The following ABCC2 variants were observed in gnomAD, a reference collection of about 807,000 sequenced individuals.
ABCC2 encodes ATP binding cassette subfamily C member 2, also known as ATP-binding cassette sub-family C member 2.
ABCC2 carries 157 observed loss-of-function variants against 173.4 expected under a neutral mutation model. The ratio of observed to expected loss-of-function variants is 0.91; its 90% CI spans 0.80 to 1.03. ABCC2 has a LOEUF of 1.03. Among genes scored for constraint, ABCC2 ranks in the 50% least tolerant of loss-of-function variants. ABCC2 has a pLI of 0.00. For synonymous variants in ABCC2, 657 were observed against 693.5 expected (o/e 0.95, Z 0.83); for missense variants, 1,822 against 1,852.3 (o/e 0.98, Z 0.30).
chr10:99,814,656 C>CACATATACACACAT lies in ABCC2; in HGVS notation c.2094+1513_2094+1514insCATATACACACATA, dbSNP rs2038354589. Among the ~76,000 whole-genome samples, 12 of 82,200 alleles carry CACATATACACACAT rather than the reference C, an allele frequency of 1.5e-4. 1 individual carries two copies. Among genetic ancestry groups the CACATATACACACAT allele is most frequent in the African/African-American group, 8.5e-4 (11 of 12,994 alleles). The allele number at this position is 82,200 out of a possible 152,430, so 53.9% of individuals were successfully genotyped here. ...ATGTGTATATACACATATACACACACATATGTGTATATACACATATACACA... is the reference window on the plus strand; with the variant it reads ...ATGTGTATATACACATATACACACACACATATACACACATATATGTGTATATACACATATACACA... On this transcript the variant is annotated intron_variant, in intron 16 of 31. Coordinates refer to ENST00000647814, the MANE Select transcript of ABCC2 (RefSeq NM_000392.5).
chr10:99,821,348 C>G lies in ABCC2; in HGVS notation c.2620+2079C>G, dbSNP rs202117820. ...CTTGTCTCAACTGCAAGAGGCATGC[C>G]TTCCTCTCATACTAATCCTCCTCAG... On this transcript the variant is annotated intron_variant, in intron 19 of 31. Coordinates refer to ENST00000647814, the MANE Select transcript of ABCC2 (RefSeq NM_000392.5). Among the ~76,000 whole-genome samples, 3 of 152,070 alleles carry G rather than the reference C, an allele frequency of 2.0e-5. No homozygotes were observed. The East Asian group carries it at 5.8e-4, about 29-fold the overall frequency.
intron 29 of ABCC2, 41 bp downstream of exon 29, chr10:99,845,823 A>G (rs1241790810): frequency 6.3e-7 from 1 of 1,576,310 alleles, no homozygotes; most frequent in Non-Finnish European, 8.6e-7. Flanking sequence ...CGTGGGGAGC[A>G]GCTTGTTTTA....
intron 25 of ABCC2, among the ~76,000 whole-genome samples, chr10:99,839,598 T>G: frequency 2.4e-5 from 1 of 41,416 alleles, no homozygotes; most frequent in Non-Finnish European, 4.8e-5. Flanking sequence ...ACGGGGTGGC[T>G]GCCGGGCGGA....
In ABCC2 at chr10:99,814,672, CATATACACACACGTGTATATACACAT is replaced by C. The variant is rs2038357727; in HGVS notation, c.2094+1533_2094+1558del. Among the ~76,000 whole-genome samples the C allele has an allele frequency of 1.6e-5, 2 of 124,216 alleles. 1 individual carries two copies. Among genetic ancestry groups the C allele is most frequent in the Non-Finnish European group, 3.3e-5 (2 of 61,164 alleles). 81.5% of individuals were successfully genotyped at this position (124,216 alleles called of 152,430 possible). On this transcript the variant is annotated intron_variant, in intron 16 of 31. Transcript: ENST00000647814. ...ATACACACACATATGTGTATATACA[CATATACACACACGTGTATATACACAT>C]ATATGTGTATACATGTATATACACA...
At chr10:99,830,574 G>A in intron 20 of ABCC2, 141 bp downstream of exon 20, 1 of 1,560,570 alleles carries the variant, frequency 6.4e-7, no homozygotes, top group Non-Finnish European at 8.8e-7. Flanking sequence ...TTGTGGGGAT[G>A]GGGAAAGATC....
intron 2 of ABCC2, 24 bp from the exon 3 acceptor site, chr10:99,792,210 A>T (rs1021018714): frequency 1.2e-6 from 2 of 1,613,656 alleles, no homozygotes; most frequent in Non-Finnish European, 1.7e-6. Context: ...TATCCTCTTA[A>T]CAGTGGTCTT....
chr10:99,831,857 C>G (rs771900701), intron 22 of ABCC2, 27 bp downstream of exon 22: 1 of 1,613,010 alleles, frequency 6.2e-7, no homozygotes, highest in South Asian at 1.1e-5. Context: ...TGACATCTTA[C>G]AGAATCTGTC....
chr10:99,848,109 G>C (rs1351579204), intron 30 of ABCC2, among the ~76,000 whole-genome samples: 1 of 152,158 alleles, frequency 6.6e-6, no homozygotes, highest in East Asian at 1.9e-4. Context: ...ACTGGACATA[G>C]GGAGTTTTAA....
At chr10:99,782,900 A>C in intron 1 of ABCC2, 23 bp downstream of exon 1, 1 of 1,612,918 alleles carries the variant, frequency 6.2e-7, no homozygotes, top group Non-Finnish European at 8.5e-7. Flanking sequence ...ATTTATCTTC[A>C]TATTGACTCT....
chr10:99,808,040 G>T, intron 12 of ABCC2, 43 bp from the exon 13 acceptor site: 1 of 1,609,438 alleles, frequency 6.2e-7, no homozygotes. Context: ...ATGCTGCTTG[G>T]TCCCTTTTAG....
At chr10:99,821,122 A>G (rs971336583) in intron 19 of ABCC2, among the ~76,000 whole-genome samples, 2 of 152,250 alleles carry the variant, frequency 1.3e-5, no homozygotes, top group Non-Finnish European at 2.9e-5. Context: ...CATCATAGAC[A>G]AGGTAAAGGA....
chr10:99,787,617 A>C (rs2037738876), intron 2 of ABCC2, among the ~76,000 whole-genome samples: 1 of 152,144 alleles, frequency 6.6e-6, no homozygotes, highest in Non-Finnish European at 1.5e-5. Context: ...TTGCATTTTT[A>C]TGAATACTAA....
chr10:99,837,100 G>A (rs2038836137), intron 25 of ABCC2, among the ~76,000 whole-genome samples: 1 of 150,248 alleles, frequency 6.7e-6, no homozygotes. Context: ...TGGAATTATT[G>A]GTGCAGACAT....
intron 19 of ABCC2, among the ~76,000 whole-genome samples, chr10:99,820,120 G>A (rs1294967734): frequency 1.3e-5 from 2 of 152,166 alleles, no homozygotes; most frequent in African/African-American, 2.4e-5. Flanking sequence ...GGCCAGGCAC[G>A]ATGGCTCACG....
chr10:99,826,949 C>T lies in ABCC2; in HGVS notation c.2621-3358C>T, dbSNP rs2038651912. Among the ~76,000 whole-genome samples, 3 of 152,054 alleles carry T rather than the reference C, an allele frequency of 2.0e-5. No individual in the cohort carries two copies. The South Asian group carries it at 6.2e-4, about 32-fold the overall frequency. On this transcript the variant is annotated intron_variant, in intron 19 of 31. Transcript: ENST00000647814. ...CCTCTTGGGCTCCTTCTCCAGGTGG[C>T]ATCGGTTCTAACGTTACTGGGAATT...
rs1443580944 is a variant in ABCC2, at chr10:99,814,123, A to G, written c.2094+979A>G. 4.4e-5 allele frequency among the ~76,000 whole-genome samples: 6 copies of G among 136,260 alleles called. 2 individuals are homozygous for G. The highest frequency in any genetic ancestry group is 9.6e-5 in the Non-Finnish European group (6 of 62,440). The allele number at this position is 136,260 out of a possible 152,430, so 89.4% of individuals were successfully genotyped here. ...TATACACACATATGTGTATATACAC[A>G]CATATGTGTGTATATATACACACAT... On this transcript the variant is annotated intron_variant, in intron 16 of 31. Transcript: ENST00000647814.
rs189395948 is a variant in ABCC2 at position 99,846,834 on chromosome 10, A to G, written c.4147-127A>G. 3.7e-3 allele frequency: 4,935 copies of G among 1,345,520 alleles called. 24 individuals are homozygous for G. The highest frequency in any genetic ancestry group is 4.7e-3 in the South Asian group (394 of 84,628). 83.3% of individuals were successfully genotyped at this position (1,345,520 alleles called of 1,614,324 possible). On this transcript the variant is annotated intron_variant, in intron 29 of 31. Coordinates refer to ENST00000647814, the MANE Select transcript of ABCC2 (RefSeq NM_000392.5). Reference sequence around the variant, plus strand: ...GGGAAAACCTTGCGGAAGCTCAACCACAAACCAGCTTCCTGCCTCAGGAAT... The same window carrying G: ...GGGAAAACCTTGCGGAAGCTCAACCGCAAACCAGCTTCCTGCCTCAGGAAT...
rs2037824597 is a variant in ABCC2, at chr10:99,792,354, A to G, written c.328A>G (p.Thr110Ala). 6.2e-7 allele frequency: 1 copy of G among 1,614,026 alleles called. No homozygotes were observed. The highest frequency in any genetic ancestry group is 8.5e-7 in the Non-Finnish European group (1 of 1,179,898). Residue 110 changes from threonine to alanine, a missense_variant, in exon 3 of 32, where the codon ACA (threonine) becomes GCA (alanine). By Grantham distance (58) the Thr-to-Ala change is moderately conservative. Transcript: ENST00000647814. The part of the protein sequence containing the change: ...RYTNPSLYLG[T>A]WLLVLLIQYS... ...TACCAATCCAAGCCTCTACCTAGGCACATGGGTAAGACCTATACCACTTCT... is the reference window on the plus strand; with the variant it reads ...TACCAATCCAAGCCTCTACCTAGGCGCATGGGTAAGACCTATACCACTTCT...
rs2038727109 is a variant in ABCC2, at chr10:99,830,871, G to A, written c.2883+20G>A. The A allele has an allele frequency of 6.2e-7, 1 of 1,613,480 alleles. No homozygotes were observed. Among genetic ancestry groups the A allele is most frequent in the Non-Finnish European group, 8.5e-7 (1 of 1,179,856 alleles). ...GGAAAGGTGAACACCACACAGAAAA[G>A]TAGCATTTGAGGTGTTATAAGGTTT... On this transcript the variant is annotated intron_variant, in intron 21 of 31. Coordinates refer to ENST00000647814, the MANE Select transcript of ABCC2 (RefSeq NM_000392.5).
Sources: gnomAD v4.1 joint callset for allele counts (sites outside exome capture counted in the v4.1 genomes callset) on GRCh38, gnomAD v4.1.1 for gene constraint, MANE v1.5 for transcripts, NCBI Gene and HGNC (gene_info 2026-07-23, HGNC 2026-07-21) for gene names.